The following SPDYE10 variants were observed in gnomAD, a reference collection of about 807,000 sequenced individuals.
SPDYE10 encodes the protein speedy/RINGO cell cycle regulator family member E10, also known as speedy protein E10.
the SPDYE10 span, among the ~76,000 whole-genome samples, chr7:73,149,655 T>G: frequency 1.3e-5 from 2 of 151,832 alleles, no homozygotes; most frequent in South Asian, 4.2e-4. Flanking sequence ...CCTGGGCTCA[T>G]GTGTGTGGCT....
the SPDYE10 span, among the ~76,000 whole-genome samples, chr7:73,150,944 ATATATT>A: frequency 1.3e-4 from 2 of 15,814 alleles, no homozygotes; most frequent in Non-Finnish European, 2.1e-4. Flanking sequence ...ATATATATAT[ATATATT>A]TTTTTTTTTT....
the SPDYE10 span, among the ~76,000 whole-genome samples, chr7:73,128,441 C>G: frequency 7.1e-6 from 1 of 141,064 alleles, no homozygotes; most frequent in Non-Finnish European, 1.5e-5. Flanking sequence ...GCACACTGCC[C>G]TATTGTAGTC....
the SPDYE10 span, among the ~76,000 whole-genome samples, chr7:73,143,156 T>G: frequency 6.6e-6 from 1 of 151,054 alleles, no homozygotes; most frequent in Non-Finnish European, 1.5e-5. Flanking sequence ...TCATCCAACA[T>G]GCTCTTCTGC....
the SPDYE10 span, among the ~76,000 whole-genome samples, chr7:73,134,569 CCG>C: frequency 3.1e-5 from 2 of 64,554 alleles, no homozygotes; most frequent in Non-Finnish European, 6.8e-5. Flanking sequence ...AAGAAAGAAA[CCG>C]TGCAGGCAGG....
the SPDYE10 span, among the ~76,000 whole-genome samples, chr7:73,128,154 T>A: frequency 6.6e-6 from 1 of 152,166 alleles, no homozygotes; most frequent in Non-Finnish European, 1.5e-5. Flanking sequence ...AAGCTACATA[T>A]ATCATTATAG....
the SPDYE10 span, among the ~76,000 whole-genome samples, chr7:73,120,662 C>T: frequency 9.5e-6 from 1 of 105,564 alleles, no homozygotes; most frequent in Admixed American, 9.1e-5. Flanking sequence ...GTGGCAGGCA[C>T]CTGTAGTCCC....
At chr7:73,151,998 G>T in the SPDYE10 span, among the ~76,000 whole-genome samples, 1 of 151,226 alleles carries the variant, frequency 6.6e-6, no homozygotes, top group African/African-American at 2.4e-5. Context: ...TTTTTTTATT[G>T]TTGTTGTTTT....
At chr7:73,124,063 C>T in the SPDYE10 span, among the ~76,000 whole-genome samples, 1 of 150,114 alleles carries the variant, frequency 6.7e-6, no homozygotes, top group South Asian at 2.1e-4. Context: ...GCTTACAGAC[C>T]TGAGCCATTG....
chr7:73,134,995 CTGAG>C, the SPDYE10 span, among the ~76,000 whole-genome samples: 1 of 152,308 alleles, frequency 6.6e-6, no homozygotes, highest in Admixed American at 6.5e-5. Context: ...GAGGGAAAGA[CTGAG>C]TGGCCTCTTG....
the SPDYE10 span, among the ~76,000 whole-genome samples, chr7:73,138,680 C>T: frequency 6.6e-6 from 1 of 151,724 alleles, no homozygotes; most frequent in Non-Finnish European, 1.5e-5. Flanking sequence ...CCCAGCCATG[C>T]TGTGTGCTTT....
At chr7:73,120,392 C>T in the SPDYE10 span, among the ~76,000 whole-genome samples, 1 of 11,586 alleles carries the variant, frequency 8.6e-5, no homozygotes, top group Admixed American at 5.7e-4. Flanking sequence ...ACATTTCCAT[C>T]ACCACAGATG....
chr7:73,123,824 T>TCC, the SPDYE10 span, among the ~76,000 whole-genome samples: 1 of 150,778 alleles, frequency 6.6e-6, no homozygotes, highest in African/African-American at 2.5e-5. Flanking sequence ...TCTCTCTCTC[T>TCC]CTCTGGCTGG....
At chr7:73,113,770 T>C in the SPDYE10 span, among the ~76,000 whole-genome samples, 1 of 152,028 alleles carries the variant, frequency 6.6e-6, no homozygotes. Flanking sequence ...GTGCCATGGC[T>C]CATGCCTGTA....
At chr7:73,116,726 G>GTA in the SPDYE10 span, among the ~76,000 whole-genome samples, 2 of 150,544 alleles carry the variant, frequency 1.3e-5, no homozygotes, top group African/African-American at 5.0e-5. Context: ...TGGGACCACA[G>GTA]GCATGTACCA....
the SPDYE10 span, among the ~76,000 whole-genome samples, chr7:73,123,993 G>A: frequency 1.3e-5 from 2 of 150,788 alleles, no homozygotes; most frequent in Non-Finnish European, 3.0e-5. Flanking sequence ...GCCCAGGCTG[G>A]TCTCAAGCAG....
chr7:73,154,891 C>T, the SPDYE10 span: 22 of 159,474 alleles, frequency 1.4e-4, no homozygotes, highest in South Asian at 2.9e-3. Flanking sequence ...GCGCGGGCCG[C>T]GCATGCGCAG....
the SPDYE10 span, among the ~76,000 whole-genome samples, chr7:73,114,534 AT>A: frequency 3.0e-5 from 4 of 134,582 alleles, no homozygotes; most frequent in African/African-American, 1.1e-4. Context: ...TTTAAGCCCT[AT>A]TTTTTTTTTT....
At chr7:73,135,280 G>A in the SPDYE10 span, among the ~76,000 whole-genome samples, 810 of 150,990 alleles carry the variant, frequency 5.4e-3, no homozygotes, top group Admixed American at 9.7e-3. Context: ...CGGGCACCAA[G>A]GAGAAGCCCT....
At chr7:73,126,667 G>A in the SPDYE10 span, among the ~76,000 whole-genome samples, 1 of 146,876 alleles carries the variant, frequency 6.8e-6, no homozygotes, top group Non-Finnish European at 1.5e-5. Context: ...GGATAAAGAG[G>A]AATTTTTTTT....
Sources: gnomAD v4.1 joint callset for allele counts (sites outside exome capture counted in the v4.1 genomes callset) on GRCh38, gnomAD v4.1.1 for gene constraint, MANE v1.5 for transcripts, NCBI Gene and HGNC (gene_info 2026-07-23, HGNC 2026-07-21) for gene names.